The following IGFBP5 variants were observed in gnomAD, a reference collection of about 807,000 sequenced individuals.
IGFBP5 encodes insulin-like growth factor-binding protein 5.
Under a neutral mutation model 28.0 loss-of-function variants are expected in IGFBP5, and 12 were observed. That is an observed-to-expected ratio of 0.43 (90% confidence interval 0.27 to 0.69). The LOEUF is 0.69. Ranked by LOEUF, IGFBP5 falls within the 30% of genes least tolerant of loss-of-function variation. The pLI, the probability that IGFBP5 is intolerant of heterozygous loss-of-function variation, is 0.20. For missense variants in IGFBP5, 344 were observed against 381.6 expected (o/e 0.90, Z 0.82); for synonymous variants, 152 against 150.2 (o/e 1.01, Z -0.09).
At chr2:216,691,898 G>C (rs1472567113) in intron 1 of IGFBP5, among the ~76,000 whole-genome samples, 2 of 146,474 alleles carry the variant, frequency 1.4e-5, no homozygotes, top group African/African-American at 5.0e-5. Flanking sequence ...CTGCGGGAGG[G>C]AGGGGGCAAA....
chr2:216,688,595 G>C (rs1299116435), intron 1 of IGFBP5, among the ~76,000 whole-genome samples: 2 of 152,140 alleles, frequency 1.3e-5, no homozygotes, highest in Non-Finnish European at 2.9e-5. Flanking sequence ...TGACAGAGGG[G>C]TGTCGCAGTC....
intron 1 of IGFBP5, among the ~76,000 whole-genome samples, chr2:216,686,040 G>A (rs1466429933): frequency 2.0e-5 from 3 of 151,840 alleles, no homozygotes; most frequent in Non-Finnish European, 4.4e-5. Context: ...AAAAGCAGCT[G>A]TAAGAATGGA....
In IGFBP5 at chr2:216,676,813, C is replaced by T; in HGVS notation, c.757G>A (p.Gly253Ser). ...CVDKYGMKLPGMEYVDGDFQC... is the reference protein window; with the variant it reads ...CVDKYGMKLPSMEYVDGDFQC... ...AAGTCCCCGTCAACGTACTCCATGC[C>T]TGGCAGCTTCATCCCGTACTTGTCC... Residue 253 changes from glycine to serine, a missense_variant, in exon 4 of 4, where the codon GGC (glycine) becomes AGC (serine). By Grantham distance (56) the Gly-to-Ser change is moderately conservative. Coordinates refer to ENST00000233813, the MANE Select transcript of IGFBP5 (RefSeq NM_000599.4). 1.9e-6 allele frequency: 3 copies of T among 1,614,040 alleles called. No homozygotes were observed. Among genetic ancestry groups the T allele is most frequent in the Non-Finnish European group, 1.7e-6 (2 of 1,179,958 alleles).
rs189189529 is a variant in IGFBP5 at position 216,691,533 on chromosome 2, G to A, written c.337+2906C>T. On this transcript the variant is annotated intron_variant, in intron 1 of 3. Transcript: ENST00000233813. ...CAGCCTCACACACATTCTTTTTTCC[G>A]TATCTATCTCTGCTCCTGAACTGGC... is the stretch of plus-strand genomic sequence containing the variant. Among the ~76,000 whole-genome samples, 131 of 151,910 alleles carry A rather than the reference G, an allele frequency of 8.6e-4. 1 individual carries two copies. The Middle Eastern group carries it at 0.01, about 12-fold the overall frequency.
intron 1 of IGFBP5, among the ~76,000 whole-genome samples, chr2:216,682,904 T>A (rs1281214232): frequency 6.7e-6 from 1 of 148,604 alleles, no homozygotes; most frequent in Non-Finnish European, 1.5e-5. Context: ...GAGATGGGGT[T>A]TCACCGTGTT....
chr2:216,678,097 G>A lies in IGFBP5; in HGVS notation c.687+15C>T. 6.8e-7 allele frequency: 1 copy of A among 1,479,260 alleles called. No individual in the cohort carries two copies. Among genetic ancestry groups the A allele is most frequent in the Non-Finnish European group, 9.1e-7 (1 of 1,103,200 alleles). 91.6% of individuals were successfully genotyped at this position (1,479,260 alleles called of 1,614,324 possible). A position where few individuals can be genotyped will look rare whatever the true frequency, so the allele number is the denominator to read the frequency against. On this transcript the variant is annotated intron_variant, in intron 3 of 3. Transcript: ENST00000233813. Reference sequence around the variant, plus strand: ...TGGAGCAGTCTGAGCCTGGAGCTCAGGGCAGGGGACGTACCTGCTTTCTCT... The same window carrying A: ...TGGAGCAGTCTGAGCCTGGAGCTCAAGGCAGGGGACGTACCTGCTTTCTCT...
At chr2:216,686,990 T>C (rs1460284374) in intron 1 of IGFBP5, among the ~76,000 whole-genome samples, 1 of 152,190 alleles carries the variant, frequency 6.6e-6, no homozygotes, top group Non-Finnish European at 1.5e-5. Context: ...GGGTGATGCA[T>C]GCTAATTCAC....
Position 216,676,527 on chromosome 2 carries a change from A to C in IGFBP5, c.*224T>G. On this transcript the variant is annotated 3_prime_UTR_variant, in exon 4 of 4. Transcript: ENST00000233813. Reference sequence around the variant, plus strand: ...ACTTGCCTCAAAAAGAAAACCATTTAAAGGGGGGGGGTGTCTTTTTAGCTT... The same window carrying C: ...ACTTGCCTCAAAAAGAAAACCATTTCAAGGGGGGGGGTGTCTTTTTAGCTT... 3.2e-6 allele frequency: 1 copy of C among 316,396 alleles called. No individual in the cohort carries two copies. The allele number at this position is 316,396 out of a possible 1,614,324, so 19.6% of individuals were successfully genotyped here. A position where few individuals can be genotyped will look rare whatever the true frequency, so the allele number is the denominator to read the frequency against.
intron 1 of IGFBP5, among the ~76,000 whole-genome samples, chr2:216,685,883 TG>T (rs1689029363): frequency 6.6e-6 from 1 of 152,172 alleles, no homozygotes; most frequent in African/African-American, 2.4e-5. Flanking sequence ...TTTTTGTTTT[TG>T]TTTTTTGTTT....
In IGFBP5 at chr2:216,678,861, C is replaced by G; in HGVS notation, c.556G>C (p.Glu186Gln). The change falls in exon 2 of 4, where the codon GAG becomes CAG. Residue 186 changes from glutamate (E) to glutamine (Q), a missense_variant. Physicochemically the swap from Glu to Gln is conservative, Grantham distance 29. Coordinates refer to ENST00000233813, the MANE Select transcript of IGFBP5 (RefSeq NM_000599.4). ...RIISAPEMRQESEQGPCRRHM... is the reference protein window; with the variant it reads ...RIISAPEMRQQSEQGPCRRHM... The stretch of plus-strand genomic sequence containing the variant: ...TCCCCGAGATGCACCTGCTCAGACT[C>G]CTGTCTCATCTCAGGTGCAGAGATG... 1 of 1,613,740 alleles carries G rather than the reference C, an allele frequency of 6.2e-7. No homozygotes were observed. Among genetic ancestry groups the G allele is most frequent in the Non-Finnish European group, 8.5e-7 (1 of 1,179,672 alleles).
chr2:216,676,512 A>C lies in IGFBP5; in HGVS notation c.*239T>G. On this transcript the variant is annotated 3_prime_UTR_variant, in exon 4 of 4. Transcript: ENST00000233813. ...TTCTCTGTTCATCCAACTTGCCTCA[A>C]AAAGAAAACCATTTAAAGGGGGGGG... is the stretch of plus-strand genomic sequence containing the variant. The C allele has an allele frequency of 3.2e-6, 1 of 308,992 alleles. No homozygotes were observed. Among genetic ancestry groups the C allele is most frequent in the South Asian group, 4.1e-5 (1 of 24,310 alleles). The allele number at this position is 308,992 out of a possible 1,614,324, so 19.1% of individuals were successfully genotyped here.
At position 216,676,653 on chromosome 2, in the gene IGFBP5, T is replaced by G; in HGVS notation, c.*98A>C. 63 of 718,186 alleles carry G rather than the reference T, an allele frequency of 8.8e-5. No homozygotes were observed. Among genetic ancestry groups the G allele is most frequent in the Middle Eastern group, 4.0e-4 (1 of 2,518 alleles). 44.5% of individuals were successfully genotyped at this position (718,186 alleles called of 1,614,324 possible). On this transcript the variant is annotated 3_prime_UTR_variant, in exon 4 of 4. Coordinates refer to ENST00000233813, the MANE Select transcript of IGFBP5 (RefSeq NM_000599.4). ...GATAGATATATATTTTTCCCTTAAA[T>G]GAGATGAAATGAGTGGCGTCCTGGG...
rs747567592 is a variant in IGFBP5 at position 216,678,846 on chromosome 2, G to A, written c.567+4C>T. 1.2e-6 allele frequency: 2 copies of A among 1,608,392 alleles called. No homozygotes were observed. Among genetic ancestry groups the A allele is most frequent in the Admixed American group, 3.3e-5 (2 of 59,906 alleles). ...GAGGGAATGAGGGAATCCCCGAGAT[G>A]CACCTGCTCAGACTCCTGTCTCATC... On this transcript the variant is annotated splice_donor_region_variant and intron_variant, in intron 2 of 3. Coordinates refer to ENST00000233813, the MANE Select transcript of IGFBP5 (RefSeq NM_000599.4).
intron 1 of IGFBP5, among the ~76,000 whole-genome samples, chr2:216,682,511 A>T (rs1412335025): frequency 6.6e-6 from 1 of 152,144 alleles, no homozygotes; most frequent in African/African-American, 2.4e-5. Context: ...AAATGAACTG[A>T]GGTTGCAGAA....
chr2:216,682,225 G>C (rs550732122), intron 1 of IGFBP5, among the ~76,000 whole-genome samples: 1 of 152,290 alleles, frequency 6.6e-6, no homozygotes, highest in East Asian at 1.9e-4. Flanking sequence ...TCCTTAGGCA[G>C]CAGCAGAGTC....
intron 3 of IGFBP5, among the ~76,000 whole-genome samples, chr2:216,677,514 G>A (rs1221130734): frequency 6.6e-6 from 1 of 152,138 alleles, no homozygotes; most frequent in African/African-American, 2.4e-5. Context: ...TGAGTAACAG[G>A]ACACAGCTAG....
At chr2:216,691,741 AC>A (rs939331926) in intron 1 of IGFBP5, among the ~76,000 whole-genome samples, 14 of 151,354 alleles carry the variant, frequency 9.2e-5, no homozygotes, top group African/African-American at 2.7e-4. Context: ...CCAGAAATGC[AC>A]CTTTTTTGGG....
In IGFBP5 at chr2:216,678,935, G is replaced by T. The variant is rs1574578096; in HGVS notation, c.482C>A (p.Thr161Asn). 2 of 1,614,240 alleles carry T rather than the reference G, an allele frequency of 1.2e-6. No homozygotes were observed. ...GGCTCCCCCGACAAACTTGGACTGGGTCAGCTTCTTTCTGCGGTCCTTCTT... is the reference window on the plus strand; with the variant it reads ...GGCTCCCCCGACAAACTTGGACTGGTTCAGCTTCTTTCTGCGGTCCTTCTT... ...AVKKDRRKKL[T>N]QSKFVGGAEN... is the part of the protein sequence containing the mutation. The change falls in exon 2 of 4, where the codon ACC becomes AAC. Residue 161 changes from threonine (T) to asparagine (N), a missense_variant. Physicochemically the swap from Thr to Asn is moderately conservative, Grantham distance 65. This residue lies in a region of IGFBP5 where 304 missense variants were observed against 329.2 expected (regional missense o/e 0.92). Transcript: ENST00000233813.
At chr2:216,687,021 T>A (rs1011527244) in intron 1 of IGFBP5, among the ~76,000 whole-genome samples, 2 of 152,208 alleles carry the variant, frequency 1.3e-5, no homozygotes, top group African/African-American at 4.8e-5. Flanking sequence ...GGTCTCTGCC[T>A]TTGTAGTGCT....
Sources: gnomAD v4.1 joint callset for allele counts (sites outside exome capture counted in the v4.1 genomes callset) on GRCh38, gnomAD v4.1.1 for gene constraint, gnomAD v4.1.1 regional missense constraint, MANE v1.5 for transcripts, NCBI Gene and HGNC (gene_info 2026-07-23, HGNC 2026-07-21) for gene names.